GPC5: variants seen among roughly 807,000 people sequenced by gnomAD.
The protein encoded by GPC5 is glypican 5.
In GPC5, 47 loss-of-function variants were observed where a neutral mutation model predicts 53.9. That is an observed-to-expected ratio of 0.87 (90% CI 0.69 to 1.11). GPC5 has a LOEUF of 1.11. GPC5 is among the 50% of genes most tolerant of loss of function. The pLI, the probability that GPC5 is intolerant of heterozygous loss-of-function variation, is 0.00. For synonymous variants in GPC5, 286 were observed against 263.3 expected (o/e 1.09, Z -0.84); for missense variants, 748 against 713.1 (o/e 1.05, Z -0.56).
chr13:91,574,115 A>G (rs7990991), intron 2 of GPC5, among the ~76,000 whole-genome samples: 9,597 of 152,204 alleles, frequency 0.063, 1,008 homozygotes, highest in African/African-American at 0.22. Flanking sequence ...AGAATGTCCA[A>G]ACATTTGTAT....
At chr13:91,425,956 A>G (rs548310834) in intron 1 of GPC5, among the ~76,000 whole-genome samples, 30 of 152,118 alleles carry the variant, frequency 2.0e-4, no homozygotes, top group Non-Finnish European at 3.4e-4. Flanking sequence ...ACTTATTGGG[A>G]ACTGAAGCAA....
intron 7 of GPC5, among the ~76,000 whole-genome samples, chr13:92,226,380 A>C (rs1594014276): frequency 6.6e-6 from 1 of 152,014 alleles, no homozygotes; most frequent in East Asian, 1.9e-4. Flanking sequence ...CCATGTTAAC[A>C]TTTTCAGAGA....
intron 7 of GPC5, among the ~76,000 whole-genome samples, chr13:92,529,965 T>C (rs1182314067): frequency 1.3e-5 from 2 of 152,066 alleles, no homozygotes; most frequent in Non-Finnish European, 2.9e-5. Context: ...GCCCCTGTAG[T>C]CCCAGCTACT....
chr13:91,815,350 CAA>C (rs2038383334), intron 5 of GPC5, among the ~76,000 whole-genome samples: 1 of 152,062 alleles, frequency 6.6e-6, no homozygotes, highest in Non-Finnish European at 1.5e-5. Context: ...GCCTGGAAGA[CAA>C]AGTAAAGTCA....
intron 7 of GPC5, among the ~76,000 whole-genome samples, chr13:92,419,332 A>C (rs1274346156): frequency 6.6e-6 from 1 of 152,114 alleles, no homozygotes; most frequent in Non-Finnish European, 1.5e-5. Context: ...GGTCATAGCA[A>C]GTGATTTTTT....
intron 7 of GPC5, among the ~76,000 whole-genome samples, chr13:92,294,870 C>T (rs1282395767): frequency 7.1e-6 from 1 of 141,356 alleles, no homozygotes; most frequent in Non-Finnish European, 1.5e-5. Context: ...GCTGTTGTTG[C>T]CCAGGCTGTA....
intron 7 of GPC5, among the ~76,000 whole-genome samples, chr13:92,186,141 G>A (rs988514117): frequency 6.6e-6 from 1 of 151,938 alleles, no homozygotes; most frequent in African/African-American, 2.4e-5. Context: ...AGTGATGCAA[G>A]CAGAACATTG....
intron 2 of GPC5, among the ~76,000 whole-genome samples, chr13:91,504,465 T>C (rs1884829747): frequency 6.6e-6 from 1 of 152,056 alleles, no homozygotes; most frequent in Non-Finnish European, 1.5e-5. Context: ...ATTTCTAATA[T>C]AAAGCCTACA....
intron 7 of GPC5, among the ~76,000 whole-genome samples, chr13:92,752,825 G>T (rs1298488055): frequency 6.6e-6 from 1 of 152,184 alleles, no homozygotes; most frequent in Non-Finnish European, 1.5e-5. Flanking sequence ...CCTGCACCTG[G>T]CTCGGAGGGA....
At chr13:92,246,324 A>C (rs1430791855) in intron 7 of GPC5, among the ~76,000 whole-genome samples, 1 of 152,158 alleles carries the variant, frequency 6.6e-6, no homozygotes, top group Non-Finnish European at 1.5e-5. Flanking sequence ...TTCAGTGAAT[A>C]AATAATAAGG....
chr13:92,121,961 G>A (rs2041653275), intron 6 of GPC5, among the ~76,000 whole-genome samples: 1 of 152,202 alleles, frequency 6.6e-6, no homozygotes, highest in South Asian at 2.1e-4. Context: ...TCATTCGATT[G>A]TAATAATCAA....
chr13:92,586,854 G>A (rs2139061358), intron 7 of GPC5, among the ~76,000 whole-genome samples: 1 of 152,198 alleles, frequency 6.6e-6, no homozygotes, highest in East Asian at 1.9e-4. Context: ...ACCAACTCCT[G>A]GGGCTTACAG....
Position 92,321,364 on chromosome 13 carries a change from C to T in GPC5, c.1561+176375C>T, listed in dbSNP as rs569107754. On this transcript the variant is annotated intron_variant, in intron 7 of 7. Transcript: ENST00000377067. ...ATCCCAACACTTGGGGAAGCCAAGG[C>T]GGGTGGATCACGAGGTCAGGAGAGC... 3.7e-4 allele frequency among the ~76,000 whole-genome samples: 56 copies of T among 152,296 alleles called. 1 individual carries two copies. The highest frequency in any genetic ancestry group is 3.4e-3 in the Middle Eastern group (1 of 294).
At chr13:91,733,858 T>C (rs1172689704) in intron 4 of GPC5, among the ~76,000 whole-genome samples, 1 of 152,196 alleles carries the variant, frequency 6.6e-6, no homozygotes, top group African/African-American at 2.4e-5. Flanking sequence ...GAACTTCCAA[T>C]ACTGTGTTGA....
intron 2 of GPC5, among the ~76,000 whole-genome samples, chr13:91,484,189 G>A (rs1883461990): frequency 6.6e-6 from 1 of 152,082 alleles, no homozygotes. Context: ...GCATTGAAGC[G>A]AGGACTTTGA....
intron 7 of GPC5, among the ~76,000 whole-genome samples, chr13:92,385,413 TATATATACATATATACATATATAC>T (rs201016219): frequency 1.4e-5 from 1 of 71,116 alleles, no homozygotes; most frequent in Non-Finnish European, 2.8e-5. Flanking sequence ...TATATACACA[TATATATACATATATACATATATAC>T]ATATATACAT....
intron 7 of GPC5, among the ~76,000 whole-genome samples, chr13:92,692,752 C>CTTTTTTTTTTTTTTTTTTTT (rs1457273874): frequency 2.8e-4 from 17 of 61,264 alleles, no homozygotes; most frequent in East Asian, 1.5e-3. Context: ...CCAATATCGG[C>CTTTTTTTTTTTTTTTTTTTT]TATTTTTTTT....
intron 7 of GPC5, among the ~76,000 whole-genome samples, chr13:92,807,837 G>A (rs757279976): frequency 2.0e-5 from 3 of 152,048 alleles, no homozygotes; most frequent in African/African-American, 4.8e-5. Flanking sequence ...CTTTAGGTAC[G>A]TTAATATCCA....
At chr13:92,676,170 C>A (rs2139214947) in intron 7 of GPC5, among the ~76,000 whole-genome samples, 1 of 152,150 alleles carries the variant, frequency 6.6e-6, no homozygotes, top group East Asian at 1.9e-4. Context: ...TGTAGCAATA[C>A]CATTATATAA....
Sources: gnomAD v4.1 joint callset for allele counts (sites outside exome capture counted in the v4.1 genomes callset) on GRCh38, gnomAD v4.1.1 for gene constraint, MANE v1.5 for transcripts, NCBI Gene and HGNC (gene_info 2026-07-23, HGNC 2026-07-21) for gene names.